PIGK: variants seen among roughly 807,000 people sequenced by gnomAD.
The protein encoded by PIGK is GPI-anchor transamidase.
PIGK carries 42 observed loss-of-function variants against 50.6 expected under a neutral mutation model. The observed-to-expected ratio is 0.83, with a 90% CI of 0.65 to 1.07. The LOEUF is 1.07. Among genes scored for constraint, PIGK ranks in the 50% least tolerant of loss-of-function variants. PIGK has a pLI of 0.00. For synonymous variants in PIGK, 151 were observed against 156.0 expected, an observed-to-expected ratio of 0.97 and a Z score of 0.24; for missense variants, 448 against 488.7, an observed-to-expected ratio of 0.92 and a Z score of 0.78.
At chr1:77,172,414 C>T (rs936623123) in intron 3 of PIGK, among the ~76,000 whole-genome samples, 8 of 152,244 alleles carry the variant, frequency 5.3e-5, no homozygotes, top group South Asian at 2.1e-4. Context: ...AATCTTCTTC[C>T]GCCATGTGGC....
intron 2 of PIGK, among the ~76,000 whole-genome samples, chr1:77,208,053 T>C (rs1436291783): frequency 6.6e-6 from 1 of 151,662 alleles, no homozygotes; most frequent in African/African-American, 2.4e-5. Context: ...GAGACCCCCA[T>C]CTCTACAAAA....
At chr1:77,151,063 A>G (rs966464754) in intron 9 of PIGK, among the ~76,000 whole-genome samples, 2 of 152,312 alleles carry the variant, frequency 1.3e-5, no homozygotes, top group Admixed American at 1.3e-4. Context: ...CTAAAGGCCA[A>G]TATCTCTGAT....
At chr1:77,194,237 TA>T (rs1222690684) in intron 3 of PIGK, among the ~76,000 whole-genome samples, 1 of 152,242 alleles carries the variant, frequency 6.6e-6, no homozygotes, top group Non-Finnish European at 1.5e-5. Flanking sequence ...GGTGGGAATA[TA>T]AATTGATTCA....
chr1:77,180,202 C>T (rs1356825596), intron 3 of PIGK, among the ~76,000 whole-genome samples: 1 of 152,142 alleles, frequency 6.6e-6, no homozygotes, highest in Non-Finnish European at 1.5e-5. Context: ...TCAACTCACA[C>T]TTTATTCTTT....
chr1:77,208,481 C>G (rs1325412737), intron 2 of PIGK, among the ~76,000 whole-genome samples: 2 of 152,094 alleles, frequency 1.3e-5, no homozygotes, highest in Non-Finnish European at 2.9e-5. Context: ...AAAAGATAAG[C>G]CCTTTGCAAT....
chr1:77,117,968 G>A (rs1001647512), intron 10 of PIGK, among the ~76,000 whole-genome samples: 2 of 152,136 alleles, frequency 1.3e-5, no homozygotes, highest in Middle Eastern at 3.4e-3. Context: ...AGGCATCACT[G>A]AGTATTACTA....
At chr1:77,124,590 C>A (rs1654182914) in intron 9 of PIGK, among the ~76,000 whole-genome samples, 1 of 148,606 alleles carries the variant, frequency 6.7e-6, no homozygotes, top group Admixed American at 6.8e-5. Flanking sequence ...GCCTGGGAGA[C>A]AGAGCAAGAG....
intron 10 of PIGK, among the ~76,000 whole-genome samples, chr1:77,115,645 C>T (rs1653943876): frequency 6.6e-6 from 1 of 152,032 alleles, no homozygotes; most frequent in Admixed American, 6.6e-5. Flanking sequence ...GAAAAAAATA[C>T]CTCTAGGACT....
At chr1:77,092,894 A>G (rs573141428) in intron 10 of PIGK, among the ~76,000 whole-genome samples, 1 of 152,218 alleles carries the variant, frequency 6.6e-6, no homozygotes, top group African/African-American at 2.4e-5. Flanking sequence ...TCCCAGCACC[A>G]ACCTGCCATG....
chr1:77,131,990 T>C (rs1356494047), intron 9 of PIGK, among the ~76,000 whole-genome samples: 1 of 152,030 alleles, frequency 6.6e-6, no homozygotes, highest in Non-Finnish European at 1.5e-5. Context: ...CTAAGTCTGC[T>C]GTCTTGTTTG....
At chr1:77,126,176 T>C (rs1472132861) in intron 9 of PIGK, among the ~76,000 whole-genome samples, 2 of 152,184 alleles carry the variant, frequency 1.3e-5, no homozygotes, top group East Asian at 3.8e-4. Context: ...TCAGTTTTCC[T>C]GTTTTGTAAT....
At chr1:77,144,105 G>C (rs1341082463) in intron 9 of PIGK, among the ~76,000 whole-genome samples, 1 of 151,954 alleles carries the variant, frequency 6.6e-6, no homozygotes, top group East Asian at 1.9e-4. Context: ...TCTGAATTTA[G>C]GAGCTTATTG....
chr1:77,197,452 GACT>G (rs1177066543), intron 3 of PIGK, among the ~76,000 whole-genome samples: 1 of 152,160 alleles, frequency 6.6e-6, no homozygotes, highest in Non-Finnish European at 1.5e-5. Flanking sequence ...TTGTTCTACA[GACT>G]ATTCTGAATT....
Position 77,194,934 on chromosome 1 carries a change from T to C in PIGK, c.239+11706A>G, listed in dbSNP as rs553639507. On this transcript the variant is annotated intron_variant, in intron 3 of 10. Coordinates refer to ENST00000370812, the MANE Select transcript of PIGK (RefSeq NM_005482.3). ...AATGGATGGACAGAAGTCATGGAAC[T>C]GAAAAAGCACTGACTACTCCTGCTT... 9 of 545,994 alleles carry C rather than the reference T, an allele frequency of 1.6e-5. No homozygotes were observed. In the Admixed American group the frequency reaches 2.0e-4, roughly 12 times the overall value. 33.8% of individuals were successfully genotyped at this position (545,994 alleles called of 1,614,324 possible). A position where few individuals can be genotyped will look rare whatever the true frequency, so the allele number is the denominator to read the frequency against.
Position 77,092,404 on chromosome 1 carries a change from A to AT in PIGK, c.1157dup (p.Tyr386Ter). 4 of 1,596,818 alleles carry AT rather than the reference A, an allele frequency of 2.5e-6. No homozygotes were observed. Among genetic ancestry groups the AT allele is most frequent in the Non-Finnish European group, 3.4e-6 (4 of 1,166,934 alleles). Residue 386 changes from tyrosine (Y) to a stop codon, truncating the protein, a stop_gained and frameshift_variant, in exon 11 of 11, where the codon TAT becomes TAAT. Transcript: ENST00000370812. LOFTEE classifies it high-confidence loss of function. ...ALIIMVFFKTYGIKHMKFIF is the reference protein window; with the variant it reads ...ALIIMVFFKT ...AAATGAACTTCATATGCTTAATTCC[A>AT]TAAGTTTTGAAGAAAACCATGATAA...
intron 10 of PIGK, among the ~76,000 whole-genome samples, chr1:77,116,310 A>G (rs1257414813): frequency 6.6e-6 from 1 of 151,960 alleles, no homozygotes; most frequent in African/African-American, 2.4e-5. Flanking sequence ...CAGCCTCCCA[A>G]GTAGCTGGGA....
chr1:77,144,835 C>T (rs1370968035), intron 9 of PIGK, among the ~76,000 whole-genome samples: 1 of 151,880 alleles, frequency 6.6e-6, no homozygotes, highest in Non-Finnish European at 1.5e-5. Flanking sequence ...AAACGAATCA[C>T]ATCTAATTTC....
At chr1:77,206,222 T>C (rs997133450) in intron 3 of PIGK, among the ~76,000 whole-genome samples, 4 of 152,214 alleles carry the variant, frequency 2.6e-5, no homozygotes, top group Admixed American at 2.0e-4. Context: ...TCTCTTCTAA[T>C]ATCTAGGCTT....
chr1:77,218,938 C>T (rs71658787), intron 1 of PIGK, among the ~76,000 whole-genome samples: 26,159 of 152,054 alleles, frequency 0.17, 3,842 homozygotes, highest in African/African-American at 0.4. Flanking sequence ...TTAAAATTGC[C>T]CTCATCTCTC....
Sources: gnomAD v4.1 joint callset for allele counts (sites outside exome capture counted in the v4.1 genomes callset) on GRCh38, gnomAD v4.1.1 for gene constraint, MANE v1.5 for transcripts, NCBI Gene and HGNC (gene_info 2026-07-23, HGNC 2026-07-21) for gene names.